The following MMADHC variants were observed in gnomAD, a reference collection of about 807,000 sequenced individuals.
MMADHC encodes metabolism of cobalamin associated D, also known as cobalamin trafficking protein CblD.
Under a neutral mutation model 36.3 loss-of-function variants are expected in MMADHC, and 23 were observed. That is an observed-to-expected ratio of 0.63 (90% CI 0.46 to 0.90). The LOEUF is 0.90. Among genes scored for constraint, MMADHC ranks in the 40% least tolerant of loss-of-function variants. The probability of loss-of-function intolerance (pLI) is 0.00; values close to 1 mark genes in which losing one functional copy is unlikely to be tolerated. For missense variants in MMADHC, 330 were observed against 348.0 expected, an observed-to-expected ratio of 0.95 and a Z score of 0.41; for synonymous variants, 97 against 116.1, an observed-to-expected ratio of 0.84 and a Z score of 1.06.
At position 149,587,158 on chromosome 2, in the gene MMADHC, G is replaced by A. The variant is rs1682884685; in HGVS notation, c.-52-9C>T. ...CTTTGGTAAAGTTATTTCTGGGAAA[G>A]AACACAACAAAACAGACGAGTGATC... On this transcript the variant is annotated splice_polypyrimidine_tract_variant and intron_variant, in intron 1 of 7. Transcript: ENST00000303319. 6.5e-7 allele frequency: 1 copy of A among 1,538,160 alleles called. No homozygotes were observed. Among genetic ancestry groups the A allele is most frequent in the Admixed American group, 1.7e-5 (1 of 59,896 alleles).
intron 6 of MMADHC, among the ~76,000 whole-genome samples, chr2:149,571,736 C>CG (rs1252993669): frequency 2.0e-5 from 3 of 148,642 alleles, no homozygotes; most frequent in African/African-American, 5.0e-5. Flanking sequence ...GCCGAGATCG[C>CG]GCCACTGCAC....
At chr2:149,577,221 T>G (rs941207702) in intron 4 of MMADHC, among the ~76,000 whole-genome samples, 8 of 152,222 alleles carry the variant, frequency 5.3e-5, no homozygotes, top group Admixed American at 1.3e-4. Flanking sequence ...CAGGAAATGA[T>G]TGAAATGGTG....
chr2:149,576,377 C>G (rs1218968259), intron 5 of MMADHC, 60 bp downstream of exon 5: 1 of 1,110,304 alleles, frequency 9.0e-7, no homozygotes, highest in African/African-American at 1.5e-5. Context: ...CTATAGAGTA[C>G]ATTATTCAAC....
intron 3 of MMADHC, among the ~76,000 whole-genome samples, chr2:149,581,747 G>A (rs1682797388): frequency 1.3e-5 from 2 of 152,190 alleles, no homozygotes; most frequent in Admixed American, 1.3e-4. Context: ...AGAAGAAACA[G>A]ACTTTGTAGA....
intron 4 of MMADHC, among the ~76,000 whole-genome samples, chr2:149,577,113 G>T (rs1320227025): frequency 6.6e-6 from 1 of 152,102 alleles, no homozygotes. Context: ...ATAAGTACAA[G>T]CAAATAAATG....
rs1390472205 is a variant in MMADHC at position 149,579,593 on chromosome 2, C to G, written c.210G>C (p.Gln70His). The change falls in exon 4 of 8, where the codon CAG (glutamine) becomes CAC (histidine). Residue 70 changes from glutamine (Q) to histidine (H), a missense_variant. By Grantham distance (24) the Gln-to-His change is conservative. Coordinates refer to ENST00000303319, the MANE Select transcript of MMADHC (RefSeq NM_015702.3). Reference protein sequence around the residue: ...ETMGPFGPQDQRFQLPGNIGF... With the variant: ...ETMGPFGPQDHRFQLPGNIGF... ...CTATGTTCCCAGGAAGCTGGAACCT[C>G]TGATCTTGAGGTCCAAAGGGTCCCA... 1 of 1,613,914 alleles carries G rather than the reference C, an allele frequency of 6.2e-7. No homozygotes were observed. The highest frequency in any genetic ancestry group is 2.2e-5 in the East Asian group (1 of 44,880).
chr2:149,583,486 C>G (rs1278616465), intron 2 of MMADHC, among the ~76,000 whole-genome samples: 9 of 152,086 alleles, frequency 5.9e-5, no homozygotes, highest in Non-Finnish European at 4.4e-5. Context: ...GGGCTTGTTA[C>G]ATCAAGATAG....
intron 4 of MMADHC, among the ~76,000 whole-genome samples, chr2:149,577,497 A>G (rs1164324376): frequency 6.6e-6 from 1 of 152,168 alleles, no homozygotes; most frequent in Non-Finnish European, 1.5e-5. Context: ...ACTTTAGTCT[A>G]CAGGCAATGA....
intron 4 of MMADHC, among the ~76,000 whole-genome samples, chr2:149,577,018 C>A (rs1339283171): frequency 1.3e-5 from 2 of 152,132 alleles, no homozygotes; most frequent in East Asian, 1.9e-4. Flanking sequence ...GCCTACTATA[C>A]ATCAGGCACT....
chr2:149,587,182 T>A, intron 1 of MMADHC, 33 bp from the exon 2 acceptor site: 1 of 1,275,578 alleles, frequency 7.8e-7, no homozygotes, highest in Non-Finnish European at 1.1e-6. Flanking sequence ...AGACGAGTGA[T>A]CGATTAAACT....
chr2:149,581,430 A>G (rs1682791891), intron 3 of MMADHC, among the ~76,000 whole-genome samples: 1 of 152,182 alleles, frequency 6.6e-6, no homozygotes, highest in Non-Finnish European at 1.5e-5. Flanking sequence ...GTGCCATGAA[A>G]AAAGGATTCC....
In MMADHC at chr2:149,576,303, C is replaced by T. The variant is rs13397601; in HGVS notation, c.478+134G>A. On this transcript the variant is annotated intron_variant, in intron 5 of 7. Transcript: ENST00000303319. ...GGACATTTCAAAGCCTTTATCTTGG[C>T]CATGCAATCATTTCCAGCCAGATAC... The T allele has an allele frequency of 4.8e-3, 3,346 of 698,850 alleles. 82 individuals carry two copies. In the African/African-American group the frequency reaches 0.052, roughly 11 times the overall value. The allele number at this position is 698,850 out of a possible 1,614,324, so 43.3% of individuals were successfully genotyped here.
intron 4 of MMADHC, among the ~76,000 whole-genome samples, chr2:149,578,310 T>C (rs1355292558): frequency 6.6e-6 from 1 of 152,084 alleles, no homozygotes; most frequent in Non-Finnish European, 1.5e-5. Flanking sequence ...AGAAAGAAGG[T>C]TGGTGCTATA....
chr2:149,571,045 C>T, intron 7 of MMADHC, 40 bp downstream of exon 7: 1 of 1,400,422 alleles, frequency 7.1e-7, no homozygotes, highest in Non-Finnish European at 1.0e-6. Flanking sequence ...AAAATCATCT[C>T]TACTTCATAT....
chr2:149,587,076 A>C lies in MMADHC; in HGVS notation c.9+13T>G. On this transcript the variant is annotated intron_variant, in intron 2 of 7. Transcript: ENST00000303319. ...AGTTTACTATGCTGATTCTTAAGAG[A>C]TAATTTACTCACATTGGCCATCTCC... 10 of 1,613,430 alleles carry C rather than the reference A, an allele frequency of 6.2e-6. No individual in the cohort carries two copies. The highest frequency in any genetic ancestry group is 7.6e-6 in the Non-Finnish European group (9 of 1,179,348).
chr2:149,585,042 CA>C (rs537964049), intron 2 of MMADHC, among the ~76,000 whole-genome samples: 237 of 66,242 alleles, frequency 3.6e-3, no homozygotes, highest in Non-Finnish European at 4.8e-3. Flanking sequence ...AACTCCGTCT[CA>C]AAAAAAAAAA....
In MMADHC at chr2:149,576,481, C is replaced by T. The variant is rs780889876; in HGVS notation, c.434G>A (p.Arg145Lys). The part of the protein sequence containing the change: ...NSAETYFESA[R>K]VECAIQTCPE... ...ACATGTCTGTATTGCACACTCTACT[C>T]TGGCACTTTCAAAGTAAGTTTCTGC... Residue 145 changes from arginine (R) to lysine (K), a missense_variant, in exon 5 of 8, where the codon AGA (arginine) becomes AAA (lysine). Transcript: ENST00000303319. 6.2e-7 allele frequency: 1 copy of T among 1,613,546 alleles called. No homozygotes were observed. Among genetic ancestry groups the T allele is most frequent in the Admixed American group, 1.7e-5 (1 of 59,994 alleles).
At chr2:149,574,363 C>T (rs1169904323) in intron 6 of MMADHC, among the ~76,000 whole-genome samples, 2 of 152,090 alleles carry the variant, frequency 1.3e-5, no homozygotes, top group Non-Finnish European at 2.9e-5. Flanking sequence ...AAAAACCACA[C>T]GAAATCTATT....
chr2:149,579,734 T>A (rs1682769322), intron 3 of MMADHC, 86 bp from the exon 4 acceptor site: 2 of 1,111,984 alleles, frequency 1.8e-6, no homozygotes, highest in Non-Finnish European at 2.6e-6. Flanking sequence ...TAAAATTATG[T>A]ATATTTTTAT....
Sources: gnomAD v4.1 joint callset for allele counts (sites outside exome capture counted in the v4.1 genomes callset) on GRCh38, gnomAD v4.1.1 for gene constraint, MANE v1.5 for transcripts, NCBI Gene and HGNC (gene_info 2026-07-23, HGNC 2026-07-21) for gene names.